The following ATAD2 variants were observed in gnomAD, a reference collection of about 807,000 sequenced individuals.
ATAD2 encodes ATPase family AAA domain-containing protein 2.
A neutral mutation model predicts 168.9 loss-of-function variants in ATAD2; 62 were observed. That is an observed-to-expected ratio of 0.37 (90% CI 0.30 to 0.45). ATAD2 has a LOEUF of 0.45. ATAD2 is among the 20% of genes least tolerant of loss of function. The probability of loss-of-function intolerance (pLI) is 1.00; values close to 1 mark genes in which losing one functional copy is unlikely to be tolerated. For synonymous variants in ATAD2, 613 were observed against 571.6 expected (o/e 1.07, Z -1.03); for missense variants, 1,419 against 1,667.8 (o/e 0.85, Z 2.60).
At chr8:123,353,325 C>T (rs1342586604) in intron 13 of ATAD2, among the ~76,000 whole-genome samples, 3 of 152,132 alleles carry the variant, frequency 2.0e-5, no homozygotes, top group Non-Finnish European at 1.5e-5. Flanking sequence ...GATCATACCA[C>T]TGCACTCCAG....
intron 1 of ATAD2, among the ~76,000 whole-genome samples, chr8:123,405,360 G>A (rs1028976089): frequency 6.6e-6 from 1 of 150,910 alleles, no homozygotes; most frequent in Non-Finnish European, 1.5e-5. Context: ...AGGCTCAAGT[G>A]ATTCTTCTGC....
chr8:123,329,728 C>T (rs1054878570), intron 24 of ATAD2, among the ~76,000 whole-genome samples: 10 of 122,566 alleles, frequency 8.2e-5, no homozygotes, highest in South Asian at 2.6e-4. Flanking sequence ...CTCTAGCTTG[C>T]GTGACGCAAC....
intron 26 of ATAD2, among the ~76,000 whole-genome samples, 174 bp downstream of exon 26, chr8:123,325,719 C>G (rs1827595936): frequency 1.3e-5 from 2 of 152,132 alleles, no homozygotes. Flanking sequence ...CTGTGCCTGA[C>G]CTAGTCTTAA....
At chr8:123,344,053 C>T (rs906306304) in intron 19 of ATAD2, among the ~76,000 whole-genome samples, 2 of 152,146 alleles carry the variant, frequency 1.3e-5, no homozygotes, top group Middle Eastern at 3.2e-3. Flanking sequence ...GATTCAGCTA[C>T]AGCTATTCCA....
At chr8:123,382,545 A>G (rs1298934515) in intron 1 of ATAD2, among the ~76,000 whole-genome samples, 1 of 152,230 alleles carries the variant, frequency 6.6e-6, no homozygotes, top group African/African-American at 2.4e-5. Context: ...ATCAACTTTC[A>G]TATGTACTTT....
chr8:123,412,236 G>A (rs1226976530), intron 1 of ATAD2, among the ~76,000 whole-genome samples: 1 of 152,214 alleles, frequency 6.6e-6, no homozygotes, highest in African/African-American at 2.4e-5. Flanking sequence ...TGCTCAGGCT[G>A]TGGAATGAGA....
intron 1 of ATAD2, among the ~76,000 whole-genome samples, chr8:123,407,453 G>A (rs1316907211): frequency 6.6e-6 from 1 of 152,184 alleles, no homozygotes; most frequent in Non-Finnish European, 1.5e-5. Flanking sequence ...GCTGGGTGTG[G>A]TGGCTCACAC....
intron 19 of ATAD2, among the ~76,000 whole-genome samples, chr8:123,344,344 CTTTTTT>C (rs764379399): frequency 1.6e-5 from 2 of 125,862 alleles, no homozygotes; most frequent in Non-Finnish European, 3.3e-5. Context: ...TTTTTAAATA[CTTTTTT>C]TTTTTTTTTT....
Position 123,394,561 on chromosome 8 carries a change from G to A in ATAD2, c.171+1626C>T, listed in dbSNP as rs185734917. ...GGAGAACTGCTTGAACCCGGGAGGT[G>A]GAGGTTGAGGTTGCGGTGAGCCGAG... On this transcript the variant is annotated intron_variant, in intron 1 of 27. Coordinates refer to ENST00000287394, the MANE Select transcript of ATAD2 (RefSeq NM_014109.4). Among the ~76,000 whole-genome samples, 255 of 151,184 alleles carry A rather than the reference G, an allele frequency of 1.7e-3. 1 individual carries two copies. Among genetic ancestry groups the A allele is most frequent in the African/African-American group, 6.0e-3 (247 of 41,136 alleles).
chr8:123,370,108 A>T, intron 6 of ATAD2, 84 bp from the exon 7 acceptor site: 1 of 1,264,820 alleles, frequency 7.9e-7, no homozygotes, highest in Non-Finnish European at 1.1e-6. Context: ...GGAGAGAAAG[A>T]TCCACCCTTT....
chr8:123,411,424 C>T (rs1308968402), intron 1 of ATAD2, among the ~76,000 whole-genome samples: 1 of 152,064 alleles, frequency 6.6e-6, no homozygotes, highest in Non-Finnish European at 1.5e-5. Flanking sequence ...CTTGGGTTTT[C>T]CTGATGAGAG....
At chr8:123,382,657 C>G (rs1180135818) in intron 1 of ATAD2, among the ~76,000 whole-genome samples, 2 of 152,174 alleles carry the variant, frequency 1.3e-5, no homozygotes, top group Non-Finnish European at 1.5e-5. Context: ...GATACCAGCT[C>G]ACACCAGTTA....
rs200543112 is a variant in ATAD2, at chr8:123,369,933, A to G, written c.819T>C (p.Asp273=). Residue 273 remains aspartate, a synonymous_variant, in exon 7 of 28, where the codon GAT becomes GAC. Coordinates refer to ENST00000287394, the MANE Select transcript of ATAD2 (RefSeq NM_014109.4). ...CTTCATCATCTTCATCATCATCATCATCATCATCATCGTCATCATCATCAT... is the reference window on the plus strand; with the variant it reads ...CTTCATCATCTTCATCATCATCATCGTCATCATCATCGTCATCATCATCAT... ...EDDDDDDDDD[D]DDDDEDDEDE... The G allele has an allele frequency of 3.8e-6, 6 of 1,581,658 alleles. No individual in the cohort carries two copies. Among genetic ancestry groups the G allele is most frequent in the Middle Eastern group, 1.7e-4 (1 of 5,996 alleles).
At chr8:123,389,502 T>C (rs897068481) in intron 1 of ATAD2, among the ~76,000 whole-genome samples, 1 of 151,108 alleles carries the variant, frequency 6.6e-6, no homozygotes, top group Non-Finnish European at 1.5e-5. Context: ...TAGCCGGGCG[T>C]GGTGGCGGGC....
intron 13 of ATAD2, among the ~76,000 whole-genome samples, chr8:123,350,582 T>C (rs912806149): frequency 2.6e-5 from 4 of 152,204 alleles, no homozygotes; most frequent in African/African-American, 9.6e-5. Context: ...TGACATTTAT[T>C]TGTTGAAGAA....
chr8:123,369,789 C>T (rs757664515), intron 7 of ATAD2, 32 bp downstream of exon 7: 2 of 1,500,936 alleles, frequency 1.3e-6, no homozygotes, highest in Admixed American at 1.7e-5. Flanking sequence ...AATATAATTA[C>T]ATCTCCTGGA....
At chr8:123,396,581 G>C (rs1812849389), upstream of ATAD2, 1 of 553,242 alleles carries the variant, frequency 1.8e-6, no homozygotes, top group African/African-American at 2.0e-5. Flanking sequence ...AGGAGGCCGG[G>C]CCAACGTGGA....
chr8:123,396,069 C>G, intron 1 of ATAD2, 118 bp downstream of exon 1: 1 of 1,178,528 alleles, frequency 8.5e-7, no homozygotes, highest in East Asian at 2.8e-5. Flanking sequence ...GACCACACTT[C>G]TCCCCCGACA....
intron 11 of ATAD2, among the ~76,000 whole-genome samples, chr8:123,358,866 G>A (rs1292904405): frequency 6.6e-6 from 1 of 151,518 alleles, no homozygotes; most frequent in Non-Finnish European, 1.5e-5. Flanking sequence ...GCCAGGCCTG[G>A]CTAATTTTTT....
Sources: allele counts gnomAD v4.1 joint callset (sites outside exome capture counted in the v4.1 genomes callset), GRCh38; gene constraint gnomAD v4.1.1; transcripts MANE v1.5; gene names NCBI Gene and HGNC (gene_info 2026-07-23, HGNC 2026-07-21).